ANKFN1: variants seen among roughly 807,000 people sequenced by gnomAD.
The protein encoded by ANKFN1 is ankyrin repeat and fibronectin type III domain containing 1.
A neutral mutation model predicts 108.7 loss-of-function variants in ANKFN1; 74 were observed. The observed-to-expected ratio is 0.68, with a 90% CI of 0.56 to 0.83. The LOEUF is 0.83. ANKFN1 is among the 40% of genes least tolerant of loss of function. The probability of loss-of-function intolerance (pLI) is 0.00; values close to 1 mark genes in which losing one functional copy is unlikely to be tolerated. For missense variants in ANKFN1, 1,505 were observed against 1,382.3 expected (o/e 1.09, Z -1.41); for synonymous variants, 547 against 516.2 (o/e 1.06, Z -0.81).
chr17:56,225,835 C>G (rs924262906), intron 2 of ANKFN1, among the ~76,000 whole-genome samples: 25 of 152,332 alleles, frequency 1.6e-4, no homozygotes, highest in Admixed American at 1.1e-3. Context: ...AATGCAGTCT[C>G]AAGGACATCC....
chr17:56,164,605 C>T (rs1909978886), intron 1 of ANKFN1, among the ~76,000 whole-genome samples: 1 of 152,132 alleles, frequency 6.6e-6, no homozygotes, highest in African/African-American at 2.4e-5. Flanking sequence ...TTAATATCAA[C>T]AATCTGGAAG....
chr17:56,243,574 T>A (rs1028062751), intron 3 of ANKFN1, among the ~76,000 whole-genome samples: 1 of 152,130 alleles, frequency 6.6e-6, no homozygotes, highest in Non-Finnish European at 1.5e-5. Context: ...AGATACCTAC[T>A]TAATATGAAG....
chr17:56,406,766 A>C (rs2047934549), intron 8 of ANKFN1, among the ~76,000 whole-genome samples: 1 of 152,290 alleles, frequency 6.6e-6, no homozygotes, highest in South Asian at 2.1e-4. Context: ...TAAGTTATAG[A>C]GTTAGAGTGA....
intron 3 of ANKFN1, chr17:56,228,182 T>C (rs1916428510): frequency 2.2e-6 from 1 of 463,782 alleles, no homozygotes; most frequent in Non-Finnish European, 3.8e-6. Context: ...CAATATTACG[T>C]CTAAAGGTAG....
At chr17:56,234,865 C>T (rs528718068) in intron 3 of ANKFN1, among the ~76,000 whole-genome samples, 4 of 152,038 alleles carry the variant, frequency 2.6e-5, no homozygotes, top group Non-Finnish European at 5.9e-5. Flanking sequence ...TGGGTATGTA[C>T]CCAGTATTGG....
chr17:56,489,616 AC>A (rs1481613417), intron 18 of ANKFN1, among the ~76,000 whole-genome samples: 1 of 151,884 alleles, frequency 6.6e-6, no homozygotes, highest in African/African-American at 2.4e-5. Flanking sequence ...AGCTGTGAAC[AC>A]CCCGGCTTGT....
intron 8 of ANKFN1, among the ~76,000 whole-genome samples, chr17:56,418,274 G>T (rs907012549): frequency 1.3e-5 from 2 of 152,176 alleles, no homozygotes; most frequent in African/African-American, 4.8e-5. Flanking sequence ...GTGTTGATTT[G>T]ATGTTCTTTG....
intron 8 of ANKFN1, among the ~76,000 whole-genome samples, chr17:56,434,437 T>A (rs536136042): frequency 1.3e-3 from 202 of 152,032 alleles, no homozygotes; most frequent in African/African-American, 4.3e-3. Context: ...CCTTTTGCCC[T>A]TAATTTAAAT....
intron 4 of ANKFN1, among the ~76,000 whole-genome samples, chr17:56,116,702 C>T (rs116240552): frequency 6.4e-4 from 98 of 152,242 alleles, no homozygotes; most frequent in African/African-American, 2.3e-3. Flanking sequence ...CCTGCAGAAC[C>T]TTGAGCCAAA....
At chr17:56,270,342 A>C (rs1409356463) in intron 3 of ANKFN1, among the ~76,000 whole-genome samples, 2 of 152,208 alleles carry the variant, frequency 1.3e-5, no homozygotes, top group Non-Finnish European at 2.9e-5. Context: ...AGAAACAGAC[A>C]AGGCTGCAGA....
intron 1 of ANKFN1, among the ~76,000 whole-genome samples, chr17:56,181,061 T>C (rs1218481699): frequency 6.6e-6 from 1 of 152,198 alleles, no homozygotes; most frequent in Non-Finnish European, 1.5e-5. Flanking sequence ...GCTAACATAA[T>C]ATATGCCTTT....
rs555594852 is a variant in ANKFN1 at position 56,124,741 on chromosome 17, C to G, written c.288+78416C>G. On this transcript the variant is annotated intron_variant, in intron 4 of 12. Transcript: ENST00000635860. ...TGGATGGAACTAATGAATTAGAATACCACTTGGAATATTCTAGAGTAACAG... is the reference window on the plus strand; with the variant it reads ...TGGATGGAACTAATGAATTAGAATAGCACTTGGAATATTCTAGAGTAACAG... Among the ~76,000 whole-genome samples the G allele has an allele frequency of 7.9e-5, 12 of 152,300 alleles. No individual in the cohort carries two copies. The East Asian group carries it at 2.3e-3, about 29-fold the overall frequency.
At chr17:56,510,387 C>T (rs1327436269) in intron 20 of ANKFN1, 86 bp from the exon 21 acceptor site, 4 of 1,116,640 alleles carry the variant, frequency 3.6e-6, no homozygotes, top group East Asian at 5.2e-5. Flanking sequence ...CTTCTAAGTG[C>T]GGGGTCAAAT....
intron 4 of ANKFN1, among the ~76,000 whole-genome samples, chr17:56,106,484 G>A (rs1905753983): frequency 6.6e-6 from 1 of 152,166 alleles, no homozygotes; most frequent in Admixed American, 6.6e-5. Context: ...ATCCCACCTG[G>A]CTCTCAAACG....
At chr17:56,340,792 T>C (rs1055052191) in intron 4 of ANKFN1, among the ~76,000 whole-genome samples, 2 of 152,150 alleles carry the variant, frequency 1.3e-5, no homozygotes, top group African/African-American at 4.8e-5. Flanking sequence ...TCGGGCTCTT[T>C]TTTTGGTTTT....
chr17:56,098,554 C>T (rs1374582744), intron 4 of ANKFN1, among the ~76,000 whole-genome samples: 3 of 152,120 alleles, frequency 2.0e-5, no homozygotes, highest in Non-Finnish European at 4.4e-5. Context: ...TATCTATCTC[C>T]TACTCTATCA....
At chr17:56,175,946 G>A (rs1393972864) in intron 1 of ANKFN1, among the ~76,000 whole-genome samples, 1 of 149,294 alleles carries the variant, frequency 6.7e-6, no homozygotes, top group Non-Finnish European at 1.5e-5. Context: ...GGAGTTGGGG[G>A]TGGGAGGTCT....
chr17:56,389,118 T>G (rs2047359066), intron 8 of ANKFN1, among the ~76,000 whole-genome samples: 1 of 152,162 alleles, frequency 6.6e-6, no homozygotes, highest in Non-Finnish European at 1.5e-5. Context: ...CACAAATGTT[T>G]ATAGCAACTT....
intron 8 of ANKFN1, among the ~76,000 whole-genome samples, chr17:56,434,781 T>TTCTC (rs57734269): frequency 1.1e-4 from 16 of 150,394 alleles, no homozygotes; most frequent in East Asian, 5.9e-4. Flanking sequence ...CGGCACGTCC[T>TTCTC]TCTCTCTCTC....
Sources: allele counts gnomAD v4.1 joint callset (sites outside exome capture counted in the v4.1 genomes callset), GRCh38; gene constraint gnomAD v4.1.1; transcripts MANE v1.5; gene names NCBI Gene and HGNC (gene_info 2026-07-23, HGNC 2026-07-21).